The following FOXP4 variants were observed in gnomAD, a reference collection of about 807,000 sequenced individuals.
FOXP4 encodes forkhead box protein P4.
FOXP4 carries 25 observed loss-of-function variants against 82.6 expected under a neutral mutation model. That is an observed-to-expected ratio of 0.30 (90% CI 0.22 to 0.42). The LOEUF (loss-of-function observed/expected upper bound fraction) is 0.42. FOXP4 is among the 10% of genes least tolerant of loss of function. The probability of loss-of-function intolerance (pLI) is 1.00; values close to 1 mark genes in which losing one functional copy is unlikely to be tolerated. For synonymous variants in FOXP4, 415 were observed against 388.2 expected, an observed-to-expected ratio of 1.07 and a Z score of -0.81; for missense variants, 785 against 900.9, an observed-to-expected ratio of 0.87 and a Z score of 1.65.
intron 14 of FOXP4, among the ~76,000 whole-genome samples, chr6:41,595,910 T>G (rs939974616): frequency 3.9e-5 from 6 of 152,056 alleles, no homozygotes; most frequent in Admixed American, 2.6e-4. Flanking sequence ...GGCCTATTAT[T>G]TTTTTGAGAC....
At position 41,558,236 on chromosome 6, in the gene FOXP4, G is replaced by A. The variant is rs1265887973; in HGVS notation, c.-16-7509G>A. 3.3e-5 allele frequency among the ~76,000 whole-genome samples: 5 copies of A among 152,190 alleles called. No homozygotes were observed. The highest frequency in any genetic ancestry group is 5.9e-5 in the Non-Finnish European group (4 of 68,036). Reference sequence around the variant, plus strand: ...GTTTGGGGAGAGAAACTGCTGGCACGATCAGGGAGCCAAGCAGTGCGTGAC... The same window carrying A: ...GTTTGGGGAGAGAAACTGCTGGCACAATCAGGGAGCCAAGCAGTGCGTGAC... On this transcript the variant is annotated intron_variant, in intron 1 of 16. Transcript: ENST00000307972. The surrounding 1 kb of genome is among the most constrained non-coding windows in gnomAD (Gnocchi z 4.0).
Position 41,588,714 on chromosome 6 carries a change from C to T in FOXP4, c.1048C>T (p.Gln350Ter), listed in dbSNP as rs1177133868. The T allele has an allele frequency of 6.2e-7, 1 of 1,613,644 alleles. No individual in the cohort carries two copies. Among genetic ancestry groups the T allele is most frequent in the Non-Finnish European group, 8.5e-7 (1 of 1,180,028 alleles). ...GTGCCGGGTACAGATGCAGGTGGTG[C>T]AGCAGCTGGAGATCCAGGTGTGGCC... ...AQCRVQMQVV[Q>*]QLEIQLAKES... Residue 350 changes from glutamine to a stop codon, truncating the protein, a stop_gained, in exon 9 of 17, where the codon CAG (glutamine) becomes TAG (stop). Transcript: ENST00000307972. LOFTEE classifies it high-confidence loss of function.
At position 41,590,070 on chromosome 6, in the gene FOXP4, C is replaced by T. The variant is rs1168245658; in HGVS notation, c.1257C>T (p.Val419=). 1.2e-6 allele frequency: 2 copies of T among 1,613,938 alleles called. No individual in the cohort carries two copies. Among genetic ancestry groups the T allele is most frequent in the South Asian group, 1.1e-5 (1 of 91,086 alleles). The change falls in exon 11 of 17, where the codon GTC becomes GTT. Residue 419 remains valine, a synonymous_variant. Coordinates refer to ENST00000307972, the MANE Select transcript of FOXP4 (RefSeq NM_001012426.2). ...VHPPTSAAAP[V]TPLRPPGLGS... ...CCCCGACCTCGGCCGCAGCCCCTGT[C>T]ACCCCTCTACGGCCCCCTGGCCTGG...
chr6:41,576,338 C>T (rs567560063), intron 2 of FOXP4, among the ~76,000 whole-genome samples: 70 of 152,248 alleles, frequency 4.6e-4, no homozygotes, highest in African/African-American at 1.6e-3. Context: ...TCAGGAGGCT[C>T]GGCTGTTTGC....
chr6:41,556,042 A>T (rs1408521651), intron 1 of FOXP4, among the ~76,000 whole-genome samples: 2 of 151,952 alleles, frequency 1.3e-5, no homozygotes, highest in Non-Finnish European at 2.9e-5. Flanking sequence ...CGTTTCAGGG[A>T]TGGAGCCAGT....
rs61638781 is a variant in FOXP4 at position 41,591,992 on chromosome 6, G to C, written c.1536+670G>C. Among the ~76,000 whole-genome samples the C allele has an allele frequency of 6.6e-6, 1 of 151,778 alleles. No homozygotes were observed. Among genetic ancestry groups the C allele is most frequent in the Non-Finnish European group, 1.5e-5 (1 of 67,922 alleles). On this transcript the variant is annotated intron_variant, in intron 13 of 16. Coordinates refer to ENST00000307972, the MANE Select transcript of FOXP4 (RefSeq NM_001012426.2). The surrounding 1 kb of genome is among the most constrained non-coding windows in gnomAD (Gnocchi z 4.2). ...TTTATTTTTCTATAGCCAAAAGGGGGGTGTGTGTGTGTGTCTGTCTGTCTG... is the reference window on the plus strand; with the variant it reads ...TTTATTTTTCTATAGCCAAAAGGGGCGTGTGTGTGTGTGTCTGTCTGTCTG...
intron 14 of FOXP4, among the ~76,000 whole-genome samples, chr6:41,595,277 C>T (rs1378748889): frequency 6.6e-6 from 1 of 152,238 alleles, no homozygotes; most frequent in Non-Finnish European, 1.5e-5. Flanking sequence ...ACAGGGGCCC[C>T]AAGTAGCCCT....
intron 5 of FOXP4, among the ~76,000 whole-genome samples, 195 bp from the exon 6 acceptor site, chr6:41,586,814 G>C (rs1368770374): frequency 6.6e-6 from 1 of 152,158 alleles, no homozygotes; most frequent in Non-Finnish European, 1.5e-5. Context: ...GCGTGCATGC[G>C]TGTGTTTACT....
At position 41,600,830 on chromosome 6, in the gene FOXP4, T is replaced by G. The variant is rs1169530892; in HGVS notation, c.*1894T>G. On this transcript the variant is annotated 3_prime_UTR_variant, in exon 17 of 17. Transcript: ENST00000307972. ...GGCCCACCCACCTCCGGTTCCCCTG[T>G]GCCTCCTGTCCCTTCCACGCTTAAA... The G allele has an allele frequency of 6.6e-6, 1 of 152,384 alleles. No individual in the cohort carries two copies. The highest frequency in any genetic ancestry group is 1.5e-5 in the Non-Finnish European group (1 of 68,108). The allele number at this position is 152,384 out of a possible 1,614,324, so 9.4% of individuals were successfully genotyped here.
rs1025175892 is a variant in FOXP4, at chr6:41,601,225, C to G, written c.*2289C>G. The G allele has an allele frequency of 6.6e-6, 1 of 151,392 alleles. No individual in the cohort carries two copies. The highest frequency in any genetic ancestry group is 1.5e-5 in the Non-Finnish European group (1 of 67,706). The allele number at this position is 151,392 out of a possible 1,614,324, so 9.4% of individuals were successfully genotyped here. ...CATGGTCATCATAGTGGGCTCACGGCGGAAACGGGATCATTCAACCTATAC... is the reference window on the plus strand; with the variant it reads ...CATGGTCATCATAGTGGGCTCACGGGGGAAACGGGATCATTCAACCTATAC... On this transcript the variant is annotated 3_prime_UTR_variant, in exon 17 of 17. Coordinates refer to ENST00000307972, the MANE Select transcript of FOXP4 (RefSeq NM_001012426.2).
At chr6:41,597,635 T>C in intron 15 of FOXP4, 146 bp from the exon 16 acceptor site, 2 of 1,016,512 alleles carry the variant, frequency 2.0e-6, no homozygotes, top group Non-Finnish European at 2.8e-6. Flanking sequence ...GAGTTGGGGC[T>C]TGGGGGTTGC....
At chr6:41,580,559 A>G (rs1765740555) in intron 3 of FOXP4, among the ~76,000 whole-genome samples, 2 of 152,150 alleles carry the variant, frequency 1.3e-5, no homozygotes, top group Admixed American at 1.3e-4. Flanking sequence ...TTCCCTACCT[A>G]TATTGATCCC....
chr6:41,581,029 C>T (rs536162333), intron 3 of FOXP4, among the ~76,000 whole-genome samples: 2 of 152,328 alleles, frequency 1.3e-5, no homozygotes, highest in Admixed American at 6.5e-5. Flanking sequence ...CACAGGTGGC[C>T]GAGAGTTGAG....
rs915876383 is a variant in FOXP4, at chr6:41,584,762, C to T, written c.301-7C>T. ...AGGGGACAGGGCTAACGGGCCGAAT[C>T]CTGCAGGTGCCTGTGTCGGTGGCCA... On this transcript the variant is annotated splice_polypyrimidine_tract_variant and splice_region_variant and intron_variant, in intron 3 of 16. Coordinates refer to ENST00000307972, the MANE Select transcript of FOXP4 (RefSeq NM_001012426.2). 6.3e-7 allele frequency: 1 copy of T among 1,581,674 alleles called. No individual in the cohort carries two copies. The highest frequency in any genetic ancestry group is 8.6e-7 in the Non-Finnish European group (1 of 1,163,814).
At chr6:41,580,661 A>AG (rs1016859032) in intron 3 of FOXP4, among the ~76,000 whole-genome samples, 4 of 152,180 alleles carry the variant, frequency 2.6e-5, no homozygotes, top group Non-Finnish European at 4.4e-5. Context: ...CTTGTCCTGA[A>AG]GTAGGGCCCA....
At chr6:41,590,627 G>C (rs3800284) in intron 12 of FOXP4, among the ~76,000 whole-genome samples, 60,678 of 151,764 alleles carry the variant, frequency 0.4, 12,832 homozygotes, top group African/African-American at 0.53. Context: ...TACACAGCCC[G>C]CCATGATAGA....
Position 41,597,859 on chromosome 6 carries a change from C to A in FOXP4, c.1804C>A (p.Pro602Thr). The A allele has an allele frequency of 6.2e-7, 1 of 1,601,052 alleles. No individual in the cohort carries two copies. The highest frequency in any genetic ancestry group is 1.7e-5 in the Admixed American group (1 of 59,422). The change falls in exon 16 of 17, where the codon CCC (proline) becomes ACC (threonine). Residue 602 changes from proline to threonine, a missense_variant. By Grantham distance (38) the Pro-to-Thr change is conservative (BLOSUM62 -1). Coordinates refer to ENST00000307972, the MANE Select transcript of FOXP4 (RefSeq NM_001012426.2). ...LNPGSASSLLPLSHDDVGAPV... is the reference protein window; with the variant it reads ...LNPGSASSLLTLSHDDVGAPV... ...CCCTGGCTCCGCCAGCAGCCTGCTG[C>A]CCCTCAGCCACGATGACGTGGGTGC...
intron 2 of FOXP4, among the ~76,000 whole-genome samples, chr6:41,567,717 G>A (rs1295398665): frequency 6.6e-6 from 1 of 152,186 alleles, no homozygotes; most frequent in Non-Finnish European, 1.5e-5. Context: ...GTTTAGGGTG[G>A]GGAAAGACAG....
At chr6:41,554,538 A>G (rs1346054570) in intron 1 of FOXP4, among the ~76,000 whole-genome samples, 1 of 152,270 alleles carries the variant, frequency 6.6e-6, no homozygotes, top group South Asian at 2.1e-4. Flanking sequence ...CTCAAGGAGA[A>G]TCTAGTGTGG....
Sources: gnomAD v4.1 joint callset for allele counts (sites outside exome capture counted in the v4.1 genomes callset) on GRCh38, gnomAD v4.1.1 for gene constraint, Gnocchi (gnomAD v3.1) non-coding constraint, MANE v1.5 for transcripts, NCBI Gene and HGNC (gene_info 2026-07-23, HGNC 2026-07-21) for gene names.